Variants in ATP7B observed in about 807,000 individuals in gnomAD.
ATP7B encodes copper-transporting ATPase 2.
ATP7B carries 113 observed loss-of-function variants against 118.9 expected under a neutral mutation model. That is an observed-to-expected ratio of 0.95 (90% CI 0.82 to 1.11). ATP7B has a LOEUF of 1.11. Ranked by LOEUF, ATP7B falls within the 50% of genes most tolerant of loss-of-function variation. The probability of loss-of-function intolerance (pLI) is 0.00; values close to 1 mark genes in which losing one functional copy is unlikely to be tolerated. For synonymous variants in ATP7B, 777 were observed against 727.4 expected, an observed-to-expected ratio of 1.07 and a Z score of -1.10; for missense variants, 1,867 against 1,871.4, an observed-to-expected ratio of 1.00 and a Z score of 0.04.
Position 51,935,181 on chromosome 13 carries a change from T to C in ATP7B, c.4125-152A>G, listed in dbSNP as rs951446820. 2.0e-5 allele frequency: 24 copies of C among 1,176,744 alleles called. No individual in the cohort carries two copies. In the South Asian group the frequency reaches 2.4e-4, roughly 12 times the overall value. The allele number at this position is 1,176,744 out of a possible 1,614,324, so 72.9% of individuals were successfully genotyped here. Reference sequence around the variant, plus strand: ...AAGGAAAAGGACATTAAACTCCCTATGGTTCCAGGAAAGCTCACCTGATTT... The same window carrying C: ...AAGGAAAAGGACATTAAACTCCCTACGGTTCCAGGAAAGCTCACCTGATTT... On this transcript the variant is annotated intron_variant, in intron 20 of 20. Transcript: ENST00000242839.
Position 51,974,033 on chromosome 13 carries a change from T to C in ATP7B, c.1187A>G (p.Glu396Gly), listed in dbSNP as rs752745159. The part of the protein sequence containing the change: ...GVQQISVSLA[E>G]GTATVLYNPS... ...ATTATAAAGAACTGTTGCAGTCCCTTCGGCCAAAGACACCGATATTTGCTG... is the reference window on the plus strand; with the variant it reads ...ATTATAAAGAACTGTTGCAGTCCCTCCGGCCAAAGACACCGATATTTGCTG... Residue 396 changes from glutamate to glycine, a missense_variant, in exon 2 of 21, where the codon GAA becomes GGA. Physicochemically the swap from Glu to Gly is moderately conservative, Grantham distance 98. Transcript: ENST00000242839. 19 of 1,614,148 alleles carry C rather than the reference T, an allele frequency of 1.2e-5. No homozygotes were observed. The highest frequency in any genetic ancestry group is 1.5e-5 in the Non-Finnish European group (18 of 1,180,056).
At position 51,934,524 on chromosome 13, in the gene ATP7B, C is replaced by G; in HGVS notation, c.*232G>C. 3.2e-6 allele frequency: 2 copies of G among 624,084 alleles called. No homozygotes were observed. The highest frequency in any genetic ancestry group is 5.6e-6 in the Non-Finnish European group (2 of 358,500). The allele number at this position is 624,084 out of a possible 1,614,324, so 38.7% of individuals were successfully genotyped here. On this transcript the variant is annotated 3_prime_UTR_variant, in exon 21 of 21. Coordinates refer to ENST00000242839, the MANE Select transcript of ATP7B (RefSeq NM_000053.4). ...CCAAGGACTAGAGTCCAAGACAAAG[C>G]CCATGCTGACGGTCCCGTGAGGCCA...
intron 9 of ATP7B, among the ~76,000 whole-genome samples, chr13:51,950,790 TTTAAG>T (rs1593699013): frequency 6.6e-6 from 1 of 151,948 alleles, no homozygotes; most frequent in African/African-American, 2.4e-5. Context: ...GAAGGTAACA[TTTAAG>T]CTGAGACCTG....
chr13:51,968,347 G>A (rs543368042), intron 4 of ATP7B, 97 bp downstream of exon 4: 70 of 1,560,952 alleles, frequency 4.5e-5, no homozygotes, highest in African/African-American at 1.9e-4. Context: ...AACCAGACAC[G>A]TCCAAGATGG....
In ATP7B at chr13:52,011,381, C is replaced by A. The variant is rs373085452; in HGVS notation, c.-44G>T. ...AATTCTTCTCTGATCTGGCTCAGAG[C>A]AAAAGGTCACCTGGTCGGTGGAGGA... is the stretch of plus-strand genomic sequence containing the variant. On this transcript the variant is annotated 5_prime_UTR_variant, in exon 1 of 21. Transcript: ENST00000242839. The A allele has an allele frequency of 3.0e-4, 478 of 1,612,956 alleles. No homozygotes were observed. Among genetic ancestry groups the A allele is most frequent in the Non-Finnish European group, 3.3e-4 (394 of 1,179,022 alleles).
At chr13:51,966,114 C>G (rs1485689018) in intron 4 of ATP7B, among the ~76,000 whole-genome samples, 3 of 152,198 alleles carry the variant, frequency 2.0e-5, no homozygotes, top group Non-Finnish European at 4.4e-5. Context: ...TCTCTGCTCT[C>G]CTTTTGTTTT....
rs2140117560 is a variant in ATP7B at position 51,975,175 on chromosome 13, A to C, written c.52-7T>G. On this transcript the variant is annotated splice_polypyrimidine_tract_variant and splice_region_variant and intron_variant, in intron 1 of 20. Coordinates refer to ENST00000242839, the MANE Select transcript of ATP7B (RefSeq NM_000053.4). ...AAGAAAGCTTAGATAAGATCTAAAA[A>C]GAAAAGAAATAACATTTTTTAACCT... 2 of 1,614,074 alleles carry C rather than the reference A, an allele frequency of 1.2e-6. No individual in the cohort carries two copies. Among genetic ancestry groups the C allele is most frequent in the Non-Finnish European group, 1.7e-6 (2 of 1,179,896 alleles).
upstream of ATP7B, chr13:52,011,455 T>G (rs1482722978): frequency 2.5e-6 from 3 of 1,222,834 alleles, no homozygotes; most frequent in East Asian, 7.5e-5. Context: ...TGTGAGGGCA[T>G]CGGCGCGGCT....
chr13:51,978,656 C>T (rs1168811324), intron 1 of ATP7B, among the ~76,000 whole-genome samples: 2 of 152,142 alleles, frequency 1.3e-5, no homozygotes, highest in East Asian at 3.8e-4. Flanking sequence ...TTATTCAGCT[C>T]TTAAAATGAA....
intron 1 of ATP7B, among the ~76,000 whole-genome samples, chr13:51,992,979 C>CAA (rs58319382): frequency 0.44 from 27,653 of 62,358 alleles, 7,752 homozygotes; most frequent in Non-Finnish European, 0.56. Flanking sequence ...GACTCTGTCT[C>CAA]AAAAAAAAAA....
In ATP7B at chr13:51,944,204, TG is replaced by T. The variant is rs762031690; in HGVS notation, c.3147del (p.Thr1050HisfsTer71). 13 of 1,614,146 alleles carry T rather than the reference TG, an allele frequency of 8.1e-6. No individual in the cohort carries two copies. Among genetic ancestry groups the T allele is most frequent in the South Asian group, 4.4e-5 (4 of 91,086 alleles). On this transcript the variant is annotated frameshift_variant, in exon 14 of 21. Transcript: ENST00000242839. LOFTEE classifies it high-confidence loss of function. ...GCCAGAACCTTCCTGAGGGGCAGTG[TG>T]GCCACATCCCCCAGCAGGAGCACCC... ...VMRVLLLGDV[A>X]TLPLRKVLAV...
intron 3 of ATP7B, among the ~76,000 whole-genome samples, chr13:51,969,408 T>C (rs1327876307): frequency 5.3e-5 from 8 of 152,008 alleles, no homozygotes; most frequent in Admixed American, 2.0e-4. Flanking sequence ...TCTGCAGTTA[T>C]TGACTGCTGT....
chr13:51,963,836 G>A (rs1464859053), intron 5 of ATP7B, among the ~76,000 whole-genome samples: 2 of 151,360 alleles, frequency 1.3e-5, no homozygotes, highest in African/African-American at 2.4e-5. Flanking sequence ...GATCACCTAA[G>A]GTGTCAGGAG....
intron 4 of ATP7B, 141 bp downstream of exon 4, chr13:51,968,303 G>A: frequency 1.6e-6 from 2 of 1,290,028 alleles, no homozygotes; most frequent in Non-Finnish European, 1.1e-6. Flanking sequence ...GGCTTCAAAG[G>A]AAAGTGAAAC....
intron 8 of ATP7B, 138 bp downstream of exon 8, chr13:51,958,172 TA>T: frequency 1.0e-6 from 1 of 995,498 alleles, no homozygotes. Context: ...TAGAGCACCT[TA>T]ATTATATGGA....
At chr13:51,941,255 A>G (rs2138792938) in intron 15 of ATP7B, 31 bp from the exon 16 acceptor site, 1 of 1,613,124 alleles carries the variant, frequency 6.2e-7, no homozygotes, top group South Asian at 1.1e-5. Context: ...TTATTTCTAA[A>G]TGGTCCAATT....
intron 7 of ATP7B, 78 bp from the exon 8 acceptor site, chr13:51,958,622 G>C (rs1381441564): frequency 2.1e-5 from 27 of 1,290,612 alleles, no homozygotes; most frequent in Non-Finnish European, 2.7e-5. Flanking sequence ...AAGGGCCCTG[G>C]GGATGGCAAA....
chr13:51,966,438 C>T (rs779896125), intron 4 of ATP7B, among the ~76,000 whole-genome samples: 2 of 152,158 alleles, frequency 1.3e-5, no homozygotes, highest in African/African-American at 2.4e-5. Context: ...AAGCCTACAC[C>T]GCTTGTGCCG....
chr13:52,010,296 C>T (rs1648742339), intron 1 of ATP7B, among the ~76,000 whole-genome samples: 1 of 152,160 alleles, frequency 6.6e-6, no homozygotes, highest in Non-Finnish European at 1.5e-5. Context: ...CTAAAGGGCA[C>T]CCAGCAACGT....
Sources: gnomAD v4.1 joint callset for allele counts (sites outside exome capture counted in the v4.1 genomes callset) on GRCh38, gnomAD v4.1.1 for gene constraint, MANE v1.5 for transcripts, NCBI Gene and HGNC (gene_info 2026-07-23, HGNC 2026-07-21) for gene names.